The following TMEM87B variants were observed in gnomAD, a reference collection of about 807,000 sequenced individuals.
The protein encoded by TMEM87B is transmembrane protein 87B.
A neutral mutation model predicts 80.3 loss-of-function variants in TMEM87B; 83 were observed. The observed-to-expected ratio is 1.03, with a 90% confidence interval of 0.87 to 1.24. The LOEUF (loss-of-function observed/expected upper bound fraction) is 1.24. Among genes scored for constraint, TMEM87B ranks in the 50% most tolerant of loss-of-function variants. The probability of loss-of-function intolerance (pLI) is 0.00; values close to 1 mark genes in which losing one functional copy is unlikely to be tolerated. For missense variants in TMEM87B, 625 were observed against 674.4 expected (o/e 0.93, Z 0.81); for synonymous variants, 219 against 230.5 (o/e 0.95, Z 0.45).
intron 2 of TMEM87B, among the ~76,000 whole-genome samples, chr2:112,061,236 C>T (rs1678250007): frequency 6.6e-6 from 1 of 152,120 alleles, no homozygotes; most frequent in Admixed American, 6.5e-5. Flanking sequence ...TTCATTGTGG[C>T]CCAATTCCTC....
chr2:112,067,044 T>C lies in TMEM87B; in HGVS notation c.427T>C (p.Ser143Pro), dbSNP rs1678456843. 1.2e-6 allele frequency: 2 copies of C among 1,610,490 alleles called. No individual in the cohort carries two copies. Among genetic ancestry groups the C allele is most frequent in the African/African-American group, 2.7e-5 (2 of 74,910 alleles). ...TGAAAACTTAGATTGCAACAGTGAT[T>C]CACAGGTGTTTCCCTCTTTGAATGT... Reference protein sequence around the residue: ...KNENLDCNSDSQVFPSLNNKE... With the variant: ...KNENLDCNSDPQVFPSLNNKE... The change falls in exon 4 of 19, where the codon TCA (serine) becomes CCA (proline). Residue 143 changes from serine (S) to proline (P), a missense_variant. Coordinates refer to ENST00000283206, the MANE Select transcript of TMEM87B (RefSeq NM_032824.3).
intron 13 of TMEM87B, among the ~76,000 whole-genome samples, chr2:112,097,787 T>C (rs953795297): frequency 6.6e-6 from 1 of 151,974 alleles, no homozygotes; most frequent in African/African-American, 2.4e-5. Flanking sequence ...AAATCTCCTT[T>C]TCCTATTATG....
At chr2:112,073,783 TG>T (rs1174334128) in intron 4 of TMEM87B, among the ~76,000 whole-genome samples, 6 of 152,236 alleles carry the variant, frequency 3.9e-5, no homozygotes, top group African/African-American at 1.4e-4. Flanking sequence ...ACTCCTGTGT[TG>T]GGTGCATATA....
intron 17 of TMEM87B, among the ~76,000 whole-genome samples, chr2:112,110,732 G>A (rs115904050): frequency 0.019 from 2,914 of 151,022 alleles, 103 homozygotes; most frequent in African/African-American, 0.067. Flanking sequence ...TTCTCCCACC[G>A]CCCCCCCCAA....
At chr2:112,071,119 C>A (rs773968878) in intron 4 of TMEM87B, among the ~76,000 whole-genome samples, 1 of 151,804 alleles carries the variant, frequency 6.6e-6, no homozygotes, top group Non-Finnish European at 1.5e-5. Flanking sequence ...CCACTGCGCC[C>A]GGCTGAGCAT....
At chr2:112,057,250 C>T (rs1023349787) in intron 1 of TMEM87B, among the ~76,000 whole-genome samples, 102 of 152,162 alleles carry the variant, frequency 6.7e-4, no homozygotes, top group Non-Finnish European at 1.5e-4. Flanking sequence ...ATTTGTACTG[C>T]AAATCTATCA....
At chr2:112,115,673 C>A (rs968545755) in intron 18 of TMEM87B, among the ~76,000 whole-genome samples, 101 of 152,336 alleles carry the variant, frequency 6.6e-4, no homozygotes, top group African/African-American at 2.4e-3. Context: ...TAGCTCTATT[C>A]CTGCCTCTCA....
chr2:112,107,289 C>T (rs557286240), intron 16 of TMEM87B, among the ~76,000 whole-genome samples: 85 of 141,844 alleles, frequency 6.0e-4, no homozygotes, highest in African/African-American at 2.2e-3. Context: ...ACCTGGGAGG[C>T]AGAGGTTGCA....
chr2:112,105,959 T>A, intron 15 of TMEM87B, 43 bp from the exon 16 acceptor site: 1 of 1,359,524 alleles, frequency 7.4e-7, no homozygotes, highest in South Asian at 1.4e-5. Flanking sequence ...AAGGAAAATA[T>A]TATTTTGTGA....
chr2:112,062,728 A>C (rs919941879), intron 2 of TMEM87B, among the ~76,000 whole-genome samples: 2 of 152,132 alleles, frequency 1.3e-5, no homozygotes, highest in Non-Finnish European at 2.9e-5. Flanking sequence ...TTTTCTTGTT[A>C]AGTTCTTTTA....
intron 18 of TMEM87B, among the ~76,000 whole-genome samples, chr2:112,113,673 T>C (rs1036211708): frequency 1.4e-5 from 2 of 147,138 alleles, no homozygotes; most frequent in Non-Finnish European, 3.0e-5. Flanking sequence ...TACAGAAAGA[T>C]GTAGCATTAC....
intron 15 of TMEM87B, among the ~76,000 whole-genome samples, chr2:112,102,551 G>A (rs1326587855): frequency 3.3e-5 from 5 of 151,872 alleles, no homozygotes; most frequent in African/African-American, 4.8e-5. Flanking sequence ...AAAATTAGCC[G>A]GGCGTGGTGG....
intron 9 of TMEM87B, among the ~76,000 whole-genome samples, chr2:112,087,885 C>T (rs1231552215): frequency 2.6e-5 from 4 of 152,190 alleles, no homozygotes; most frequent in Admixed American, 2.0e-4. Flanking sequence ...GCTCAGCCCT[C>T]GTCCAGTTGT....
chr2:112,064,234 A>G lies in TMEM87B; in HGVS notation c.299A>G (p.Asn100Ser), dbSNP rs1678347474. The G allele has an allele frequency of 3.1e-6, 5 of 1,613,590 alleles. No individual in the cohort carries two copies. The highest frequency in any genetic ancestry group is 2.7e-5 in the African/African-American group (2 of 74,892). Reference protein sequence around the residue: ...VWHLKYHTCHNEHSNLEELFQ... With the variant: ...VWHLKYHTCHSEHSNLEELFQ... ...CATTTGAAGTATCATACCTGTCACA[A>G]TGAGCATTCTAATCTGGAAGTAAGT... The change falls in exon 3 of 19, where the codon AAT becomes AGT. Residue 100 changes from asparagine to serine, a missense_variant. Transcript: ENST00000283206.
chr2:112,104,265 TTA>T (rs1679706746), intron 15 of TMEM87B, among the ~76,000 whole-genome samples: 1 of 152,106 alleles, frequency 6.6e-6, no homozygotes, highest in African/African-American at 2.4e-5. Context: ...CAGGAAGAAT[TTA>T]AGAAAATAAG....
At position 112,105,985 on chromosome 2, in the gene TMEM87B, T is replaced by C. The variant is rs1445503362; in HGVS notation, c.1451-17T>C. The C allele has an allele frequency of 2.6e-6, 4 of 1,538,148 alleles. No homozygotes were observed. The highest frequency in any genetic ancestry group is 1.9e-4 in the Middle Eastern group (1 of 5,400). Reference sequence around the variant, plus strand: ...TATTTTGTGATTTTATATATATGTTTATAATGTCTCTCGTAGCCGAAGGAA... The same window carrying C: ...TATTTTGTGATTTTATATATATGTTCATAATGTCTCTCGTAGCCGAAGGAA... On this transcript the variant is annotated splice_polypyrimidine_tract_variant and intron_variant, in intron 15 of 18. Coordinates refer to ENST00000283206, the MANE Select transcript of TMEM87B (RefSeq NM_032824.3).
intron 8 of TMEM87B, among the ~76,000 whole-genome samples, chr2:112,083,067 A>T (rs561445081): frequency 2.6e-5 from 4 of 152,336 alleles, no homozygotes; most frequent in Non-Finnish European, 5.9e-5. Flanking sequence ...CTTGCCCAGC[A>T]TTGATCTTGA....
intron 1 of TMEM87B, among the ~76,000 whole-genome samples, chr2:112,059,184 A>G (rs1678170316): frequency 6.6e-6 from 1 of 152,124 alleles, no homozygotes; most frequent in South Asian, 2.1e-4. Context: ...ATGCCTAATC[A>G]TTTGTACATT....
At chr2:112,090,145 A>C (rs566693426) in intron 10 of TMEM87B, among the ~76,000 whole-genome samples, 1 of 152,174 alleles carries the variant, frequency 6.6e-6, no homozygotes, top group Non-Finnish European at 1.5e-5. Context: ...TCATTTGTTT[A>C]TTCATTTTCT....
Sources: gnomAD v4.1 joint callset for allele counts (sites outside exome capture counted in the v4.1 genomes callset) on GRCh38, gnomAD v4.1.1 for gene constraint, MANE v1.5 for transcripts, NCBI Gene and HGNC (gene_info 2026-07-23, HGNC 2026-07-21) for gene names.